The following NRG3 variants were observed in gnomAD, a reference collection of about 807,000 sequenced individuals.
The protein encoded by NRG3 is pro-neuregulin-3, membrane-bound isoform.
Under a neutral mutation model 66.9 loss-of-function variants are expected in NRG3, and 31 were observed. That is an observed-to-expected ratio of 0.46 (90% CI 0.35 to 0.63). The LOEUF (loss-of-function observed/expected upper bound fraction) is 0.63, where lower values mean the gene tolerates loss of function less well. Among genes scored for constraint, NRG3 ranks in the 20% least tolerant of loss-of-function variants. NRG3 has a pLI of 0.00. For missense variants in NRG3, 910 were observed against 878.9 expected, an observed-to-expected ratio of 1.04 and a Z score of -0.45; for synonymous variants, 393 against 359.4, an observed-to-expected ratio of 1.09 and a Z score of -1.06.
intron 2 of NRG3, among the ~76,000 whole-genome samples, chr10:82,398,945 A>G (rs112265605): frequency 1.5e-3 from 223 of 152,240 alleles, no homozygotes; most frequent in African/African-American, 5.0e-3. Flanking sequence ...GGATACACCA[A>G]TTGCTTAGAG....
chr10:82,796,596 C>G (rs1270412070), intron 3 of NRG3, among the ~76,000 whole-genome samples: 1 of 151,810 alleles, frequency 6.6e-6, no homozygotes, highest in African/African-American at 2.4e-5. Flanking sequence ...GAGGGGGAGG[C>G]AAAGAAAAGG....
intron 1 of NRG3, among the ~76,000 whole-genome samples, chr10:82,261,518 C>A (rs1328168584): frequency 6.6e-6 from 1 of 152,198 alleles, no homozygotes; most frequent in East Asian, 1.9e-4. Flanking sequence ...ATTAAAGACA[C>A]ACACACAGAA....
intron 2 of NRG3, among the ~76,000 whole-genome samples, chr10:82,736,136 C>T (rs1361736567): frequency 6.6e-6 from 1 of 152,118 alleles, no homozygotes; most frequent in African/African-American, 2.4e-5. Context: ...CAAATACACA[C>T]TCAACTCTCC....
intron 3 of NRG3, among the ~76,000 whole-genome samples, chr10:82,857,450 T>C (rs994004926): frequency 2.6e-5 from 4 of 152,138 alleles, no homozygotes; most frequent in Non-Finnish European, 4.4e-5. Context: ...AGGCTGACCA[T>C]GGTAATAATG....
At chr10:82,118,772 G>C (rs867225621) in intron 1 of NRG3, among the ~76,000 whole-genome samples, 1 of 152,012 alleles carries the variant, frequency 6.6e-6, no homozygotes, top group African/African-American at 2.4e-5. Context: ...TAAAAAACAG[G>C]CATCATAGCC....
At chr10:82,980,151 G>T (rs1175035498) in intron 8 of NRG3, among the ~76,000 whole-genome samples, 2 of 151,908 alleles carry the variant, frequency 1.3e-5, no homozygotes, top group African/African-American at 4.8e-5. Context: ...GCTATACTGA[G>T]TGCACATGGT....
intron 1 of NRG3, among the ~76,000 whole-genome samples, chr10:82,216,572 G>GT (rs750600705): frequency 0.05 from 6,800 of 137,332 alleles, 179 homozygotes; most frequent in Middle Eastern, 0.12. Context: ...GTATATATCT[G>GT]GGTGTGTGTG....
intron 1 of NRG3, among the ~76,000 whole-genome samples, chr10:81,912,117 T>A (rs1416536297): frequency 6.6e-6 from 1 of 152,198 alleles, no homozygotes; most frequent in Non-Finnish European, 1.5e-5. Context: ...ACTTTTCACA[T>A]TTTTTTCTTT....
At chr10:82,332,019 T>TG (rs1238668179) in intron 1 of NRG3, among the ~76,000 whole-genome samples, 1 of 152,186 alleles carries the variant, frequency 6.6e-6, no homozygotes, top group Non-Finnish European at 1.5e-5. Context: ...TGGGCAATTG[T>TG]TTGCCCACTG....
chr10:82,180,166 T>G (rs976610274), intron 1 of NRG3, among the ~76,000 whole-genome samples: 7 of 151,746 alleles, frequency 4.6e-5, no homozygotes, highest in African/African-American at 1.7e-4. Flanking sequence ...CTTAGGAGTT[T>G]CTTCATATAA....
intron 2 of NRG3, among the ~76,000 whole-genome samples, chr10:82,472,959 T>A (rs1841415859): frequency 6.6e-6 from 1 of 152,168 alleles, no homozygotes; most frequent in Non-Finnish European, 1.5e-5. Context: ...GGTGCAGACA[T>A]TGTAGGAAAG....
chr10:82,807,666 G>A (rs765943568), intron 3 of NRG3, among the ~76,000 whole-genome samples: 4 of 152,110 alleles, frequency 2.6e-5, no homozygotes, highest in Non-Finnish European at 5.9e-5. Flanking sequence ...AACTGCTTCA[G>A]AATCTTTGTT....
intron 2 of NRG3, among the ~76,000 whole-genome samples, chr10:82,541,701 T>C (rs2043553644): frequency 6.6e-6 from 1 of 152,222 alleles, no homozygotes; most frequent in Non-Finnish European, 1.5e-5. Context: ...TTATGCCTTT[T>C]AGTTTTTACT....
chr10:82,742,554 C>T (rs747094113), intron 3 of NRG3, among the ~76,000 whole-genome samples: 6 of 152,118 alleles, frequency 3.9e-5, no homozygotes, highest in Non-Finnish European at 5.9e-5. Context: ...TACCACAAGT[C>T]GCATTCAGAT....
chr10:82,828,729 G>A (rs1305030192), intron 3 of NRG3, among the ~76,000 whole-genome samples: 1 of 152,088 alleles, frequency 6.6e-6, no homozygotes, highest in Non-Finnish European at 1.5e-5. Context: ...GCTTATATGA[G>A]GCTACAAAAT....
At position 82,150,084 on chromosome 10, in the gene NRG3, C is replaced by A. The variant is rs115515788; in HGVS notation, c.824-208655C>A. 7.9e-3 allele frequency among the ~76,000 whole-genome samples: 1,207 copies of A among 152,134 alleles called. 10 individuals are homozygous for A. The highest frequency in any genetic ancestry group is 0.028 in the African/African-American group (1,158 of 41,490). On this transcript the variant is annotated intron_variant, in intron 1 of 8. Coordinates refer to ENST00000372141, the MANE Select transcript of NRG3 (RefSeq NM_001010848.4). ...GCTGTTCCCATCAATCTATTCCAGCCCTGGTACCCCTGGACCACCCTACTG... is the reference window on the plus strand; with the variant it reads ...GCTGTTCCCATCAATCTATTCCAGCACTGGTACCCCTGGACCACCCTACTG...
chr10:82,236,500 A>G (rs865943586), intron 1 of NRG3, among the ~76,000 whole-genome samples: 1 of 152,096 alleles, frequency 6.6e-6, no homozygotes, highest in Non-Finnish European at 1.5e-5. Context: ...TTGCACTACA[A>G]TCTGCCACAG....
At chr10:82,939,858 T>G (rs1848439151) in intron 4 of NRG3, among the ~76,000 whole-genome samples, 2 of 151,464 alleles carry the variant, frequency 1.3e-5, no homozygotes, top group African/African-American at 4.9e-5. Context: ...TTCTACCTCC[T>G]CCCCCACCTC....
rs535519074 is a variant in NRG3, at chr10:81,957,164, G to T, written c.823+81001G>T. Among the ~76,000 whole-genome samples the T allele has an allele frequency of 2.6e-5, 4 of 152,246 alleles. No individual in the cohort carries two copies. The South Asian group carries it at 8.3e-4, about 32-fold the overall frequency. ...CTAGGTGATGGCAAAACTTGAAGGTGGAGGCAGCCTAGGTCCCTGAATCAC... is the reference window on the plus strand; with the variant it reads ...CTAGGTGATGGCAAAACTTGAAGGTTGAGGCAGCCTAGGTCCCTGAATCAC... On this transcript the variant is annotated intron_variant, in intron 1 of 8. Coordinates refer to ENST00000372141, the MANE Select transcript of NRG3 (RefSeq NM_001010848.4).
Sources: gnomAD v4.1 joint callset for allele counts (sites outside exome capture counted in the v4.1 genomes callset) on GRCh38, gnomAD v4.1.1 for gene constraint, MANE v1.5 for transcripts, NCBI Gene and HGNC (gene_info 2026-07-23, HGNC 2026-07-21) for gene names.